TMEM276: variants seen among roughly 807,000 people sequenced by gnomAD.
The protein encoded by TMEM276 is transmembrane protein 276.
At chr8:144,466,561 GC>G in the TMEM276 span, 2 of 1,055,334 alleles carry the variant, frequency 1.9e-6, no homozygotes, top group Non-Finnish European at 2.4e-6. Flanking sequence ...CCCGCCGCCT[GC>G]CCCACCCCCA....
chr8:144,464,883 C>A, the TMEM276 span: 1 of 1,612,176 alleles, frequency 6.2e-7, no homozygotes, highest in Admixed American at 1.7e-5. Flanking sequence ...CTCCACTCGG[C>A]CCCCGGCTTG....
At chr8:144,464,283 C>G in the TMEM276 span, 175 of 1,613,298 alleles carry the variant, frequency 1.1e-4, no homozygotes, top group African/African-American at 1.8e-3. Flanking sequence ...TCGCCCCCCC[C>G]CACATCCCAT....
chr8:144,466,996 C>T, the TMEM276 span: 3 of 1,597,028 alleles, frequency 1.9e-6, no homozygotes, highest in Non-Finnish European at 2.6e-6. Flanking sequence ...AAGGCGCAGC[C>T]GAGGGCCGCG....
At chr8:144,465,125 G>A in the TMEM276 span, 263 of 1,469,504 alleles carry the variant, frequency 1.8e-4, 1 homozygote, top group East Asian at 5.8e-3. Context: ...TAATTCAGCC[G>A]GGAAACGGGG....
the TMEM276 span, chr8:144,466,193 T>G: frequency 1.1e-5 from 2 of 174,780 alleles, no homozygotes; most frequent in Non-Finnish European, 1.2e-5. Flanking sequence ...GGTGTAGGGG[T>G]TGGGGCGCGC....
chr8:144,464,028 G>A, the TMEM276 span: 2 of 1,529,592 alleles, frequency 1.3e-6, no homozygotes, highest in Non-Finnish European at 8.8e-7. Context: ...CACTTCAGTA[G>A]GCAGAAGAGT....
At chr8:144,466,802 G>A in the TMEM276 span, 3 of 1,536,632 alleles carry the variant, frequency 2.0e-6, no homozygotes, top group South Asian at 1.2e-5. Flanking sequence ...AGACCTGCCC[G>A]CGCCAGAGCT....
the TMEM276 span, chr8:144,466,488 G>A: frequency 7.6e-7 from 1 of 1,323,386 alleles, no homozygotes; most frequent in Non-Finnish European, 9.7e-7. Context: ...GTGGCGCCGC[G>A]GCGGCCGCGG....
At chr8:144,464,734 T>C in the TMEM276 span, 11 of 1,393,940 alleles carry the variant, frequency 7.9e-6, no homozygotes, top group East Asian at 2.7e-4. Context: ...CCAACCTCTC[T>C]CTAATTCAGG....
the TMEM276 span, chr8:144,466,801 C>A: frequency 1.3e-6 from 2 of 1,536,540 alleles, no homozygotes. Context: ...CAGACCTGCC[C>A]GCGCCAGAGC....
At chr8:144,466,807 A>G in the TMEM276 span, 7 of 1,537,670 alleles carry the variant, frequency 4.6e-6, no homozygotes, top group Non-Finnish European at 6.1e-6. Context: ...TGCCCGCGCC[A>G]GAGCTGTGGA....
the TMEM276 span, chr8:144,466,650 G>A: frequency 2.0e-6 from 2 of 1,021,082 alleles, no homozygotes; most frequent in East Asian, 3.4e-5. Flanking sequence ...GCTCGGCCCC[G>A]ATGCTGGAAG....
At chr8:144,464,016 C>G in the TMEM276 span, 3 of 1,523,672 alleles carry the variant, frequency 2.0e-6, no homozygotes, top group Non-Finnish European at 1.8e-6. Context: ...GTGCAGCAAA[C>G]CCACTTCAGT....
chr8:144,464,187 C>A, the TMEM276 span: 3 of 1,613,040 alleles, frequency 1.9e-6, no homozygotes, highest in African/African-American at 4.0e-5. Flanking sequence ...TGCCTACAGC[C>A]AAGGCCCAGC....
the TMEM276 span, chr8:144,466,393 C>G: frequency 4.2e-5 from 45 of 1,061,760 alleles, no homozygotes; most frequent in Non-Finnish European, 5.0e-5. Context: ...CGGCGCGAAG[C>G]GGGGCCCTCT....
chr8:144,465,473 G>C, the TMEM276 span: 2 of 992,746 alleles, frequency 2.0e-6, no homozygotes, highest in African/African-American at 3.5e-5. Flanking sequence ...AGCGCGGTCG[G>C]GAACCTCCAC....
chr8:144,464,348 G>A, the TMEM276 span: 1 of 1,611,828 alleles, frequency 6.2e-7, no homozygotes, highest in Non-Finnish European at 8.5e-7. Context: ...ACCACCAACA[G>A]CATTGCCTGA....
At chr8:144,466,371 G>C in the TMEM276 span, 3 of 801,238 alleles carry the variant, frequency 3.7e-6, 1 homozygote, top group Middle Eastern at 1.3e-3. Context: ...GTCTGGGCGC[G>C]GGGACGCGGG....
chr8:144,466,396 G>T, the TMEM276 span: 2 of 1,077,618 alleles, frequency 1.9e-6, no homozygotes, highest in East Asian at 4.2e-5. Flanking sequence ...CGCGAAGCGG[G>T]GCCCTCTGCC....
Sources: gnomAD v4.1 joint callset for allele counts on GRCh38, gnomAD v4.1.1 for gene constraint, MANE v1.5 for transcripts, NCBI Gene and HGNC (gene_info 2026-07-23, HGNC 2026-07-21) for gene names.